Variants in CSAG1 observed in about 807,000 individuals in gnomAD.
CSAG1 encodes chondrosarcoma associated gene 1.
CSAG1 carries 4 observed loss-of-function variants against 4.8 expected under a neutral mutation model. That is an observed-to-expected ratio of 0.83 (90% confidence interval 0.41 to 1.90). The LOEUF (loss-of-function observed/expected upper bound fraction) is 1.90, where lower values mean the gene tolerates loss of function less well. Ranked by LOEUF, CSAG1 falls within the 40% of genes most tolerant of loss-of-function variation. The pLI, the probability that CSAG1 is intolerant of heterozygous loss-of-function variation, is 0.03. For missense variants in CSAG1, 69 were observed against 59.5 expected, an observed-to-expected ratio of 1.16 and a Z score of -0.53; for synonymous variants, 21 against 23.1, an observed-to-expected ratio of 0.91 and a Z score of 0.26.
rs1556830779 is a variant in CSAG1, at chrX:152,728,120, G to A, written c.121C>T (p.Arg41Ter). 50 of 1,208,795 alleles carry A rather than the reference G, an allele frequency of 4.1e-5. No homozygotes were observed. Among genetic ancestry groups the A allele is most frequent in the South Asian group, 1.8e-4 (10 of 56,679 alleles). ...TGLVKMSRKP[R>*]ASSPFSNNHP... Reference sequence around the variant, plus strand: ...TTGTTGGAAAATGGGCTGGAGGCTCGTGGTTTCCTGGACATCTTCACCAGA... The same window carrying A: ...TTGTTGGAAAATGGGCTGGAGGCTCATGGTTTCCTGGACATCTTCACCAGA... The change falls in exon 3 of 4, where the codon CGA becomes TGA. Residue 41 changes from arginine to a stop codon, truncating the protein, a stop_gained. Transcript: ENST00000452779. LOFTEE classifies it low-confidence loss of function (END_TRUNC).
At chrX:152,730,748 AAG>A (rs1445459482) in intron 2 of CSAG1, among the ~76,000 whole-genome samples, 4 of 112,347 alleles carry the variant, frequency 3.6e-5, no homozygotes. Flanking sequence ...TTACAGCACA[AAG>A]AGTGAAGCTT....
chrX:152,731,234 C>T (rs1443013710), intron 2 of CSAG1, among the ~76,000 whole-genome samples: 49 of 111,705 alleles, frequency 4.4e-4, no homozygotes, highest in African/African-American at 1.6e-3. Context: ...TTCTGTTATT[C>T]TGTATGTGTG....
At chrX:152,729,745 C>G (rs782307655) in intron 2 of CSAG1, among the ~76,000 whole-genome samples, 1 of 110,500 alleles carries the variant, frequency 9.0e-6, no homozygotes, top group Non-Finnish European at 1.9e-5. Context: ...TGTGGAGCAA[C>G]AGAAACTCTC....
chrX:152,730,966 A>T (rs1160487486), intron 2 of CSAG1, among the ~76,000 whole-genome samples: 1 of 112,868 alleles, frequency 8.9e-6, no homozygotes, highest in African/African-American at 3.2e-5. Flanking sequence ...AAGTTTGTAA[A>T]ATAGTTGAAC....
At chrX:152,733,246 T>C (rs782280625) in intron 1 of CSAG1, 13 of 111,532 alleles carry the variant, frequency 1.2e-4, no homozygotes, top group African/African-American at 4.3e-4. Context: ...GCTGTGCAAA[T>C]GCACAGACGT....
Position 152,727,634 on chromosome X carries a change from A to C in CSAG1, c.*160T>G. On this transcript the variant is annotated 3_prime_UTR_variant, in exon 4 of 4. Transcript: ENST00000452779. ...TTGAAGTCTCTGGCCTTGCCTGGGA[A>C]TTACTGGCTGCCCAAGGAAGCACTG... 1 of 645,235 alleles carries C rather than the reference A, an allele frequency of 1.5e-6. No homozygotes were observed. Among genetic ancestry groups the C allele is most frequent in the Non-Finnish European group, 2.5e-6 (1 of 398,094 alleles). 53.2% of individuals were successfully genotyped at this position (645,235 alleles called of 1,213,427 possible). A position where few individuals can be genotyped will look rare whatever the true frequency, so the allele number is the denominator to read the frequency against.
At chrX:152,727,937 G>A in intron 3 of CSAG1, 74 bp from the exon 4 acceptor site, 1 of 1,194,650 alleles carries the variant, frequency 8.4e-7, no homozygotes, top group Non-Finnish European at 1.1e-6. Context: ...GAGAACAGGG[G>A]TTTCATAGAG....
intron 2 of CSAG1, among the ~76,000 whole-genome samples, chrX:152,729,766 C>T (rs1447745938): frequency 2.7e-5 from 3 of 110,063 alleles, no homozygotes; most frequent in Non-Finnish European, 3.8e-5. Context: ...ATTCATAGCT[C>T]GTGGAAATGC....
intron 3 of CSAG1, 25 bp downstream of exon 3, chrX:152,728,049 G>A: frequency 1.7e-6 from 2 of 1,211,449 alleles, no homozygotes; most frequent in Non-Finnish European, 1.1e-6. Flanking sequence ...GGCCAGGGAT[G>A]AGAGGATGCT....
intron 2 of CSAG1, among the ~76,000 whole-genome samples, chrX:152,729,910 T>C (rs1932118812): frequency 1.9e-5 from 2 of 106,839 alleles, no homozygotes; most frequent in African/African-American, 6.8e-5. Flanking sequence ...ACATAAAAAT[T>C]TGTATATGAA....
intron 2 of CSAG1, among the ~76,000 whole-genome samples, chrX:152,730,992 A>G (rs1481345779): frequency 2.7e-5 from 3 of 112,581 alleles, no homozygotes; most frequent in African/African-American, 9.7e-5. Context: ...ATAATCATTT[A>G]TTTAATTTTT....
rs1198746772 is a variant in CSAG1 at position 152,727,547 on chromosome X, G to C, written c.*247C>G. On this transcript the variant is annotated 3_prime_UTR_variant, in exon 4 of 4. Transcript: ENST00000452779. Reference sequence around the variant, plus strand: ...GGGCATACCCTTTGGGGTGTAAAACGTACTCTACACCCTGTTGGCTATTTA... The same window carrying C: ...GGGCATACCCTTTGGGGTGTAAAACCTACTCTACACCCTGTTGGCTATTTA... The C allele has an allele frequency of 2.3e-6, 1 of 440,705 alleles. No homozygotes were observed. Among genetic ancestry groups the C allele is most frequent in the Non-Finnish European group, 4.1e-6 (1 of 246,561 alleles). 36.3% of individuals were successfully genotyped at this position (440,705 alleles called of 1,213,427 possible).
Position 152,728,221 on chromosome X carries a change from C to T in CSAG1, c.20G>A (p.Cys7Tyr). The change falls in exon 3 of 4, where the codon TGC (cysteine) becomes TAC (tyrosine). Residue 7 changes from cysteine to tyrosine, a missense_variant. Physicochemically the swap from Cys to Tyr is radical, Grantham distance 194 (BLOSUM62 -2). Transcript: ENST00000452779. MSATTA[C>Y]WPAFTVLGEA... is the part of the protein sequence containing the mutation. The stretch of plus-strand genomic sequence containing the variant: ...CCCCAGGACAGTGAAGGCAGGCCAG[C>T]AGGCTAGAAACTCACACGACATTAT... The T allele has an allele frequency of 8.3e-7, 1 of 1,207,885 alleles. No individual in the cohort carries two copies. Among genetic ancestry groups the T allele is most frequent in the Non-Finnish European group, 1.1e-6 (1 of 891,941 alleles).
intron 2 of CSAG1, among the ~76,000 whole-genome samples, chrX:152,731,980 T>C (rs1385924840): frequency 8.9e-5 from 10 of 112,468 alleles, no homozygotes; most frequent in African/African-American, 3.2e-4. Flanking sequence ...CTATTATCTC[T>C]ACGTTTGAAA....
At chrX:152,732,075 T>C (rs782338460) in intron 2 of CSAG1, among the ~76,000 whole-genome samples, 3 of 112,218 alleles carry the variant, frequency 2.7e-5, no homozygotes, top group Non-Finnish European at 5.6e-5. Context: ...TTAGTGATAA[T>C]ACCATTATCG....
At chrX:152,729,051 C>T (rs1932092935) in intron 2 of CSAG1, among the ~76,000 whole-genome samples, 3 of 110,062 alleles carry the variant, frequency 2.7e-5, no homozygotes, top group Admixed American at 9.7e-5. Flanking sequence ...GTTAATAAAA[C>T]AGAATAGAGC....
rs185063811 is a variant in CSAG1, at chrX:152,730,400, G to A, written c.16+2045C>T. Among the ~76,000 whole-genome samples, 82 of 111,750 alleles carry A rather than the reference G, an allele frequency of 7.3e-4. No individual in the cohort carries two copies. In the Middle Eastern group the frequency reaches 0.014, roughly 19 times the overall value. On this transcript the variant is annotated intron_variant, in intron 2 of 3. Coordinates refer to ENST00000452779, the MANE Select transcript of CSAG1 (RefSeq NM_001102576.3). The stretch of plus-strand genomic sequence containing the variant: ...CATCTGCTGAAATACCAAGGTGATG[G>A]TATTAGGTAGAAGGTGGGGTATTTG...
Position 152,731,682 on chromosome X carries a change from A to T in CSAG1, c.16+763T>A, listed in dbSNP as rs181363736. Among the ~76,000 whole-genome samples, 8 of 110,805 alleles carry T rather than the reference A, an allele frequency of 7.2e-5. No homozygotes were observed. The East Asian group carries it at 2.3e-3, about 31-fold the overall frequency. ...CCTAAATTAGTAGCATATTAAACAA[A>T]TAGACAGGCTCTGCCCAAGGAAATA... On this transcript the variant is annotated intron_variant, in intron 2 of 3. Coordinates refer to ENST00000452779, the MANE Select transcript of CSAG1 (RefSeq NM_001102576.3).
chrX:152,732,286 T>G (rs1254351021), intron 2 of CSAG1, among the ~76,000 whole-genome samples, 159 bp downstream of exon 2: 3 of 112,364 alleles, frequency 2.7e-5, no homozygotes, highest in African/African-American at 9.7e-5. Context: ...CTAATAAAAA[T>G]GTATAAGCTG....
Sources: allele counts gnomAD v4.1 joint callset (sites outside exome capture counted in the v4.1 genomes callset), GRCh38; gene constraint gnomAD v4.1.1; transcripts MANE v1.5; gene names NCBI Gene and HGNC (gene_info 2026-07-23, HGNC 2026-07-21).